CDKAL1: variants seen among roughly 807,000 people sequenced by gnomAD.
CDKAL1 encodes CDKAL1 threonylcarbamoyladenosine tRNA methylthiotransferase, also known as threonylcarbamoyladenosine tRNA methylthiotransferase.
CDKAL1 carries 32 observed loss-of-function variants against 68.2 expected under a neutral mutation model. That is an observed-to-expected ratio of 0.47 (90% confidence interval 0.35 to 0.63). The LOEUF (loss-of-function observed/expected upper bound fraction) is 0.63, where lower values mean the gene tolerates loss of function less well. Among genes scored for constraint, CDKAL1 ranks in the 30% least tolerant of loss-of-function variants. The probability of loss-of-function intolerance (pLI) is 0.00; values close to 1 mark genes in which losing one functional copy is unlikely to be tolerated. For missense variants in CDKAL1, 606 were observed against 696.7 expected, an observed-to-expected ratio of 0.87 and a Z score of 1.47; for synonymous variants, 234 against 244.3, an observed-to-expected ratio of 0.96 and a Z score of 0.39.
At chr6:20,749,393 C>CT (rs1254114692) in intron 6 of CDKAL1, among the ~76,000 whole-genome samples, 5 of 152,074 alleles carry the variant, frequency 3.3e-5, no homozygotes, top group Non-Finnish European at 5.9e-5. Flanking sequence ...CCTCTCAGTC[C>CT]TTGTGCTTAC....
In CDKAL1 at chr6:21,231,842, C is replaced by T. The variant is rs1779987198; in HGVS notation, c.*803C>T. 6.6e-6 allele frequency: 1 copy of T among 152,146 alleles called. No individual in the cohort carries two copies. Among genetic ancestry groups the T allele is most frequent in the African/African-American group, 2.4e-5 (1 of 41,414 alleles). The allele number at this position is 152,146 out of a possible 1,614,324, so 9.4% of individuals were successfully genotyped here. On this transcript the variant is annotated 3_prime_UTR_variant, in exon 16 of 16. Transcript: ENST00000274695. ...GTGTTCCTGAAAAGTGTATAGAAACCTGTTCTGGGAACCTGAATGCTTTTG... is the reference window on the plus strand; with the variant it reads ...GTGTTCCTGAAAAGTGTATAGAAACTTGTTCTGGGAACCTGAATGCTTTTG...
chr6:21,230,742 A>C (rs76916513), intron 15 of CDKAL1, 106 bp from the exon 16 acceptor site: 3 of 816,364 alleles, frequency 3.7e-6, no homozygotes, highest in Admixed American at 3.0e-5. Context: ...CTGTTGAAGG[A>C]GTACATAAAA....
intron 14 of CDKAL1, among the ~76,000 whole-genome samples, chr6:21,200,059 T>G (rs1226559645): frequency 6.6e-6 from 1 of 152,234 alleles, no homozygotes; most frequent in Non-Finnish European, 1.5e-5. Flanking sequence ...AGATGAAGAT[T>G]GTATCTAGAT....
chr6:20,959,730 T>A (rs943641534), intron 10 of CDKAL1, among the ~76,000 whole-genome samples: 1 of 152,214 alleles, frequency 6.6e-6, no homozygotes, highest in Non-Finnish European at 1.5e-5. Context: ...TTCCCTGTGT[T>A]TGCTTTCCTG....
intron 5 of CDKAL1, among the ~76,000 whole-genome samples, chr6:20,735,847 T>C (rs1773167386): frequency 6.6e-6 from 1 of 152,240 alleles, no homozygotes; most frequent in African/African-American, 2.4e-5. Flanking sequence ...CATTGGTTCT[T>C]TGTTTTCACC....
intron 4 of CDKAL1, among the ~76,000 whole-genome samples, chr6:20,556,515 A>G (rs565291482): frequency 4.6e-5 from 7 of 152,328 alleles, no homozygotes; most frequent in South Asian, 2.1e-4. Flanking sequence ...AGTGGATTCA[A>G]TGAAAGAATC....
intron 8 of CDKAL1, among the ~76,000 whole-genome samples, chr6:20,803,987 A>G (rs995693383): frequency 6.6e-6 from 1 of 150,710 alleles, no homozygotes; most frequent in Non-Finnish European, 1.5e-5. Flanking sequence ...CTGTTTAGGG[A>G]AAAAGAAAAT....
At chr6:21,207,190 G>C (rs1778973596) in intron 15 of CDKAL1, among the ~76,000 whole-genome samples, 1 of 151,492 alleles carries the variant, frequency 6.6e-6, no homozygotes, top group Non-Finnish European at 1.5e-5. Context: ...AGGGATTAGA[G>C]GCGTGAGGCA....
chr6:20,811,422 T>C (rs900554680), intron 8 of CDKAL1, among the ~76,000 whole-genome samples: 4 of 152,226 alleles, frequency 2.6e-5, no homozygotes, highest in Admixed American at 1.3e-4. Flanking sequence ...TCACCTTGTG[T>C]CTTAAGTATC....
At chr6:20,644,695 C>CAA (rs70990057) in intron 4 of CDKAL1, among the ~76,000 whole-genome samples, 3 of 151,834 alleles carry the variant, frequency 2.0e-5, no homozygotes, top group African/African-American at 7.2e-5. Flanking sequence ...AAAAACACAA[C>CAA]AAAAAAAAGA....
At chr6:20,645,546 A>G (rs915218261) in intron 4 of CDKAL1, among the ~76,000 whole-genome samples, 25 of 151,924 alleles carry the variant, frequency 1.6e-4, no homozygotes, top group Non-Finnish European at 2.9e-4. Flanking sequence ...CCTGGCCAAC[A>G]TGATGAAACC....
intron 6 of CDKAL1, among the ~76,000 whole-genome samples, chr6:20,748,987 G>GTGTATA (rs1773795544): frequency 6.8e-6 from 1 of 147,474 alleles, no homozygotes; most frequent in Non-Finnish European, 1.5e-5. Context: ...GTATATATAT[G>GTGTATA]TATGTGTGTG....
chr6:20,819,387 T>G (rs889342394), intron 8 of CDKAL1, among the ~76,000 whole-genome samples: 2 of 152,252 alleles, frequency 1.3e-5, no homozygotes, highest in Admixed American at 1.3e-4. Flanking sequence ...GCCTTAAAGA[T>G]TCTTCTAACT....
chr6:20,787,770 A>G (rs1287768428), intron 8 of CDKAL1, among the ~76,000 whole-genome samples: 1 of 152,190 alleles, frequency 6.6e-6, no homozygotes, highest in Non-Finnish European at 1.5e-5. Context: ...CCAGTTAACT[A>G]TAGATTGTTG....
intron 15 of CDKAL1, among the ~76,000 whole-genome samples, chr6:21,223,658 A>C (rs1582447673): frequency 1.3e-5 from 2 of 152,342 alleles, no homozygotes; most frequent in East Asian, 3.9e-4. Flanking sequence ...CTAGGTGAAG[A>C]AATGACTAAA....
intron 9 of CDKAL1, among the ~76,000 whole-genome samples, chr6:20,936,454 T>G (rs1044420699): frequency 2.0e-5 from 3 of 150,728 alleles, no homozygotes; most frequent in Non-Finnish European, 3.0e-5. Flanking sequence ...GTTTCACCGT[T>G]TTAGCCGGGA....
intron 5 of CDKAL1, among the ~76,000 whole-genome samples, chr6:20,672,236 C>CTCTT (rs66598881): frequency 0.012 from 1,649 of 135,530 alleles, 21 homozygotes; most frequent in East Asian, 0.03. Context: ...TCTTTTCTTT[C>CTCTT]TCTTTCTTTC....
At chr6:21,144,263 C>T (rs1451781654) in intron 13 of CDKAL1, among the ~76,000 whole-genome samples, 6 of 152,178 alleles carry the variant, frequency 3.9e-5, no homozygotes, top group Non-Finnish European at 7.3e-5. Context: ...TACACTGCAT[C>T]CTATTAGCCA....
chr6:21,095,483 A>G (rs1376784726), intron 12 of CDKAL1, among the ~76,000 whole-genome samples: 5 of 152,200 alleles, frequency 3.3e-5, no homozygotes, highest in African/African-American at 1.2e-4. Flanking sequence ...AGGTGTTAGA[A>G]TGGGTGCAAG....
Sources: gnomAD v4.1 joint callset for allele counts (sites outside exome capture counted in the v4.1 genomes callset) on GRCh38, gnomAD v4.1.1 for gene constraint, MANE v1.5 for transcripts, NCBI Gene and HGNC (gene_info 2026-07-23, HGNC 2026-07-21) for gene names.